ZNF536: variants seen among roughly 807,000 people sequenced by gnomAD.
ZNF536 encodes zinc finger protein 536.
Under a neutral mutation model 84.5 loss-of-function variants are expected in ZNF536, and 13 were observed. The ratio of observed to expected loss-of-function variants is 0.15; its 90% confidence interval spans 0.10 to 0.24. The LOEUF (loss-of-function observed/expected upper bound fraction) is 0.24. Among genes scored for constraint, ZNF536 ranks in the 10% least tolerant of loss-of-function variants. ZNF536 has a pLI of 1.00. For missense variants in ZNF536, 1,536 were observed against 1,747.5 expected (o/e 0.88, Z 2.16); for synonymous variants, 811 against 742.5 (o/e 1.09, Z -1.50).
intron 1 of ZNF536, among the ~76,000 whole-genome samples, chr19:30,666,757 T>A (rs1283101135): frequency 1.3e-5 from 2 of 151,414 alleles, no homozygotes. Flanking sequence ...ATATATAATA[T>A]AAATATACAC....
At chr19:30,639,391 G>C in intron 1 of ZNF536, among the ~76,000 whole-genome samples, 1 of 152,144 alleles carries the variant, frequency 6.6e-6, no homozygotes, top group Non-Finnish European at 1.5e-5. Flanking sequence ...GACATTTTAC[G>C]TGTCTTTTTT....
chr19:30,500,242 C>T (rs1326840701), intron 2 of ZNF536, among the ~76,000 whole-genome samples: 1 of 152,216 alleles, frequency 6.6e-6, no homozygotes. Flanking sequence ...ACTTGGGTCT[C>T]ACAATCCCAG....
At position 30,564,998 on chromosome 19, in the gene ZNF536, C is replaced by T. The variant is rs1051260312; in HGVS notation, c.169+15484C>T. 5.3e-5 allele frequency among the ~76,000 whole-genome samples: 8 copies of T among 152,122 alleles called. 1 individual carries two copies. The South Asian group carries it at 1.5e-3, about 28-fold the overall frequency. Reference sequence around the variant, plus strand: ...AAGAAGGTCTTATTTCCTAGAGGGGCGGGTCCGTGCCATCGCCTTGTCCGG... The same window carrying T: ...AAGAAGGTCTTATTTCCTAGAGGGGTGGGTCCGTGCCATCGCCTTGTCCGG... On this transcript the variant is annotated intron_variant, in intron 1 of 1. Coordinates refer to the ZNF536 transcript ENST00000592773.
At chr19:30,395,972 T>C (rs1170475573) in intron 1 of ZNF536, among the ~76,000 whole-genome samples, 1 of 152,180 alleles carries the variant, frequency 6.6e-6, no homozygotes, top group Non-Finnish European at 1.5e-5. Context: ...TGAACTACAT[T>C]GACACGTCAA....
At chr19:30,614,968 G>C (rs1272323526) in intron 1 of ZNF536, among the ~76,000 whole-genome samples, 1 of 7,884 alleles carries the variant, frequency 1.3e-4, no homozygotes, top group Non-Finnish European at 3.2e-4. Context: ...TTTTTTTGAG[G>C]CGGAGTTTCG....
chr19:30,685,045 C>T (rs2051120108), intron 1 of ZNF536, among the ~76,000 whole-genome samples: 1 of 152,170 alleles, frequency 6.6e-6, no homozygotes, highest in African/African-American at 2.4e-5. Context: ...GATTAGCCTA[C>T]CAGATTGGAC....
At chr19:30,435,185 C>A (rs1355860977) in intron 1 of ZNF536, among the ~76,000 whole-genome samples, 5 of 134,972 alleles carry the variant, frequency 3.7e-5, no homozygotes, top group African/African-American at 8.5e-5. Flanking sequence ...GATGCTGCTG[C>A]TGATGATGAT....
At chr19:30,439,959 C>CTTTTTTTTTT (rs199638233) in intron 1 of ZNF536, among the ~76,000 whole-genome samples, 34 of 96,390 alleles carry the variant, frequency 3.5e-4, no homozygotes, top group African/African-American at 7.2e-4. Flanking sequence ...TTCTTTCTTT[C>CTTTTTTTTTT]TTTTTTTTTT....
chr19:30,485,438 C>T (rs2054267394), intron 2 of ZNF536, among the ~76,000 whole-genome samples: 1 of 152,136 alleles, frequency 6.6e-6, no homozygotes, highest in Non-Finnish European at 1.5e-5. Context: ...ACTCTGCAAC[C>T]TTTAGCTAGC....
intron 2 of ZNF536, among the ~76,000 whole-genome samples, chr19:30,459,343 T>C (rs2053026036): frequency 6.6e-6 from 1 of 151,024 alleles, no homozygotes; most frequent in Admixed American, 6.6e-5. Flanking sequence ...TCTTTCCTTC[T>C]TTCTTTCTCT....
intron 1 of ZNF536, among the ~76,000 whole-genome samples, chr19:30,569,556 G>GTCCTTTTTTTTTTTTTTTTTT (rs1568563601): frequency 1.2e-5 from 1 of 80,440 alleles, no homozygotes; most frequent in African/African-American, 4.9e-5. Flanking sequence ...CCAGATAAAC[G>GTCCTTTTTTTTTTTTTTTTTT]TTCTTTTTTT....
chr19:30,648,479 G>A (rs1156534272), intron 1 of ZNF536, among the ~76,000 whole-genome samples: 2 of 152,208 alleles, frequency 1.3e-5, no homozygotes, highest in African/African-American at 4.8e-5. Context: ...CTGGGCAGGG[G>A]CAGCAGAGGT....
chr19:30,617,645 T>C (rs1262969483), intron 1 of ZNF536, among the ~76,000 whole-genome samples: 2 of 152,038 alleles, frequency 1.3e-5, no homozygotes, highest in Non-Finnish European at 2.9e-5. Flanking sequence ...CCACCACACC[T>C]GGCCTGAATA....
intron 1 of ZNF536, among the ~76,000 whole-genome samples, chr19:30,283,361 A>G (rs901264603): frequency 1.3e-5 from 2 of 152,196 alleles, no homozygotes; most frequent in Non-Finnish European, 2.9e-5. Context: ...TCCATCATAG[A>G]TGAACATCCC....
At chr19:30,343,533 G>A (rs2047631442) in intron 2 of ZNF536, among the ~76,000 whole-genome samples, 1 of 152,188 alleles carries the variant, frequency 6.6e-6, no homozygotes, top group African/African-American at 2.4e-5. Context: ...CCCAGGTGGA[G>A]ATGAAGGGGA....
intron 2 of ZNF536, among the ~76,000 whole-genome samples, chr19:30,296,491 A>G (rs1054410196): frequency 6.6e-6 from 1 of 152,110 alleles, no homozygotes; most frequent in South Asian, 2.1e-4. Flanking sequence ...ACCCTTTTGT[A>G]TGGCTCTTGA....
intron 2 of ZNF536, among the ~76,000 whole-genome samples, chr19:30,490,448 G>A (rs955903606): frequency 6.6e-6 from 1 of 152,174 alleles, no homozygotes; most frequent in Non-Finnish European, 1.5e-5. Context: ...AGGGGTCTGA[G>A]GAGGAAAGGG....
At chr19:30,705,004 G>T (rs1261416841) in intron 1 of ZNF536, among the ~76,000 whole-genome samples, 1 of 151,754 alleles carries the variant, frequency 6.6e-6, no homozygotes. Context: ...ATCATCAGGG[G>T]CTTTCACAGG....
At chr19:30,348,643 G>A (rs972442702) in intron 2 of ZNF536, among the ~76,000 whole-genome samples, 2 of 152,144 alleles carry the variant, frequency 1.3e-5, no homozygotes, top group Non-Finnish European at 2.9e-5. Context: ...GACATGAAAG[G>A]GCAAGGAGAG....
Sources: gnomAD v4.1 joint callset for allele counts (sites outside exome capture counted in the v4.1 genomes callset) on GRCh38, gnomAD v4.1.1 for gene constraint, MANE v1.5 for transcripts, NCBI Gene and HGNC (gene_info 2026-07-23, HGNC 2026-07-21) for gene names.